The following TFCP2 variants were observed in gnomAD, a reference collection of about 807,000 sequenced individuals.
The protein encoded by TFCP2 is alpha-globin transcription factor CP2.
TFCP2 carries 33 observed loss-of-function variants against 73.4 expected under a neutral mutation model. The ratio of observed to expected loss-of-function variants is 0.45; its 90% confidence interval spans 0.34 to 0.60. The LOEUF (loss-of-function observed/expected upper bound fraction) is 0.60. TFCP2 is among the 20% of genes least tolerant of loss of function. The probability of loss-of-function intolerance (pLI) is 0.01; values close to 1 mark genes in which losing one functional copy is unlikely to be tolerated. For synonymous variants in TFCP2, 193 were observed against 211.6 expected (o/e 0.91, Z 0.76); for missense variants, 352 against 604.0 (o/e 0.58, Z 4.37).
At chr12:51,097,078 T>A (rs1263672443) in intron 13 of TFCP2, among the ~76,000 whole-genome samples, 1 of 151,846 alleles carries the variant, frequency 6.6e-6, no homozygotes, top group Non-Finnish European at 1.5e-5. Flanking sequence ...TTCTCCTGCC[T>A]CAGCCTCCTG....
At chr12:51,156,346 G>T (rs540453865) in intron 1 of TFCP2, among the ~76,000 whole-genome samples, 18 of 152,030 alleles carry the variant, frequency 1.2e-4, no homozygotes, top group African/African-American at 3.1e-4. Context: ...GGAAGCAAGG[G>T]GGGGGGAGGT....
At chr12:51,130,522 T>C (rs1168447731) in intron 1 of TFCP2, among the ~76,000 whole-genome samples, 1 of 152,036 alleles carries the variant, frequency 6.6e-6, no homozygotes, top group African/African-American at 2.4e-5. Context: ...CTATTTATTA[T>C]TAGAAAATGC....
chr12:51,111,181 G>C (rs563645543), intron 4 of TFCP2, among the ~76,000 whole-genome samples, 198 bp from the exon 5 acceptor site: 1 of 151,230 alleles, frequency 6.6e-6, no homozygotes, highest in African/African-American at 2.4e-5. Flanking sequence ...GAGTGCAGTG[G>C]TAACAGGCCT....
chr12:51,119,539 T>C (rs10876140), intron 1 of TFCP2, among the ~76,000 whole-genome samples: 31,554 of 151,806 alleles, frequency 0.21, 4,102 homozygotes, highest in East Asian at 0.67. Flanking sequence ...TCACCTGAGG[T>C]CCGGAGGTGG....
At chr12:51,100,703 T>A (rs1387463949) in intron 11 of TFCP2, among the ~76,000 whole-genome samples, 2 of 152,236 alleles carry the variant, frequency 1.3e-5, no homozygotes, top group East Asian at 3.9e-4. Flanking sequence ...TAGTCCCAGC[T>A]GCTCAGGGAT....
chr12:51,104,471 G>T (rs1465398377), intron 8 of TFCP2, among the ~76,000 whole-genome samples: 1 of 151,284 alleles, frequency 6.6e-6, no homozygotes, highest in East Asian at 1.9e-4. Context: ...CAATAAATTG[G>T]GACTGATGAG....
At chr12:51,103,792 A>T in intron 9 of TFCP2, 29 bp from the exon 10 acceptor site, 1 of 1,568,272 alleles carries the variant, frequency 6.4e-7, no homozygotes, top group African/African-American at 1.4e-5. Flanking sequence ...TTTTTAGATA[A>T]CCAAATAGAT....
At chr12:51,150,009 A>G (rs959828609) in intron 1 of TFCP2, among the ~76,000 whole-genome samples, 5 of 152,134 alleles carry the variant, frequency 3.3e-5, no homozygotes, top group Non-Finnish European at 7.4e-5. Flanking sequence ...GAAGCCCCCT[A>G]TATTTTTCCT....
chr12:51,162,957 T>C (rs1941679309), intron 1 of TFCP2: 1 of 152,206 alleles, frequency 6.6e-6, no homozygotes, highest in Non-Finnish European at 1.5e-5. Context: ...AAGATTAGCA[T>C]GGCCTCTGAG....
At position 51,110,892 on chromosome 12, in the gene TFCP2, T is replaced by A. The variant is rs556519985; in HGVS notation, c.549A>T (p.Thr183=). The A allele has an allele frequency of 6.2e-7, 1 of 1,613,226 alleles. No individual in the cohort carries two copies. Among genetic ancestry groups the A allele is most frequent in the East Asian group, 2.2e-5 (1 of 44,856 alleles). Residue 183 remains threonine (T), a synonymous_variant, in exon 5 of 15, where the codon ACA becomes ACT. Coordinates refer to ENST00000257915, the MANE Select transcript of TFCP2 (RefSeq NM_005653.5). ...AACGCCTTACCTGAATAAACACAGATGTCCTCTTTGCAGGGTCCCACAGGA... is the reference window on the plus strand; with the variant it reads ...AACGCCTTACCTGAATAAACACAGAAGTCCTCTTTGCAGGGTCCCACAGGA... ...VEFLWDPAKR[T]SVFIQVHCIS...
intron 1 of TFCP2, among the ~76,000 whole-genome samples, chr12:51,151,030 T>C (rs1941411790): frequency 6.6e-6 from 1 of 152,144 alleles, no homozygotes; most frequent in African/African-American, 2.4e-5. Flanking sequence ...CTCTTGCTAT[T>C]TTACGTGAAG....
chr12:51,158,523 C>T (rs1941584629), intron 1 of TFCP2, among the ~76,000 whole-genome samples: 1 of 152,088 alleles, frequency 6.6e-6, no homozygotes, highest in East Asian at 1.9e-4. Context: ...GAGTCTTGCT[C>T]TGTCGCCCAG....
chr12:51,123,192 C>T (rs202008146), intron 1 of TFCP2, among the ~76,000 whole-genome samples: 75 of 152,312 alleles, frequency 4.9e-4, no homozygotes, highest in African/African-American at 1.7e-3. Context: ...AAAATTAACT[C>T]AAAACAGTAC....
intron 1 of TFCP2, among the ~76,000 whole-genome samples, chr12:51,167,821 G>A (rs1383494654): frequency 6.6e-6 from 1 of 152,136 alleles, no homozygotes; most frequent in African/African-American, 2.4e-5. Flanking sequence ...AGCAATTTGG[G>A]AGGCCAAGGT....
At chr12:51,105,277 A>G (rs1940204883) in intron 8 of TFCP2, among the ~76,000 whole-genome samples, 1 of 151,782 alleles carries the variant, frequency 6.6e-6, no homozygotes, top group African/African-American at 2.4e-5. Flanking sequence ...TATTTTTAGT[A>G]GAGACGGGGT....
Position 51,107,294 on chromosome 12 carries a change from C to T in TFCP2, c.770G>A (p.Arg257Gln), listed in dbSNP as rs1940270974. 2 of 1,613,162 alleles carry T rather than the reference C, an allele frequency of 1.2e-6. No homozygotes were observed. The highest frequency in any genetic ancestry group is 1.7e-6 in the Non-Finnish European group (2 of 1,179,822). ...ATATTTCTCCTTTTCATGAGGTGTTCGTTTCTCCATTTTTTCCCTATCCGT... is the reference window on the plus strand; with the variant it reads ...ATATTTCTCCTTTTCATGAGGTGTTTGTTTCTCCATTTTTTCCCTATCCGT... ...QKTDREKMEK[R>Q]TPHEKEKYQP... The change falls in exon 7 of 15, where the codon CGA becomes CAA. Residue 257 changes from arginine (R) to glutamine (Q), a missense_variant. By Grantham distance (43) the Arg-to-Gln change is conservative (BLOSUM62 1). This residue lies in a region of TFCP2 where 47 missense variants were observed against 89.1 expected (regional missense o/e 0.53). Transcript: ENST00000257915.
intron 1 of TFCP2, among the ~76,000 whole-genome samples, chr12:51,137,150 A>G (rs546159273): frequency 7.2e-5 from 11 of 152,290 alleles, no homozygotes; most frequent in African/African-American, 2.6e-4. Flanking sequence ...TTATGAGATC[A>G]GTTTAGATCA....
chr12:51,133,455 C>A (rs1374898237), intron 1 of TFCP2, among the ~76,000 whole-genome samples: 1 of 152,170 alleles, frequency 6.6e-6, no homozygotes, highest in Non-Finnish European at 1.5e-5. Context: ...CAGGTGTGTG[C>A]CACCATGCCC....
chr12:51,164,829 A>G (rs1941720911), intron 1 of TFCP2, among the ~76,000 whole-genome samples: 1 of 152,188 alleles, frequency 6.6e-6, no homozygotes, highest in Non-Finnish European at 1.5e-5. Flanking sequence ...AAACTGACTC[A>G]GAAAAAATTA....
Sources: gnomAD v4.1 joint callset for allele counts (sites outside exome capture counted in the v4.1 genomes callset) on GRCh38, gnomAD v4.1.1 for gene constraint, gnomAD v4.1.1 regional missense constraint, MANE v1.5 for transcripts, NCBI Gene and HGNC (gene_info 2026-07-23, HGNC 2026-07-21) for gene names.